The following VCL variants were observed in gnomAD, a reference collection of about 807,000 sequenced individuals.
VCL encodes the protein epididymis luminal protein 114.
VCL carries 47 observed loss-of-function variants against 125.7 expected under a neutral mutation model. The ratio of observed to expected loss-of-function variants is 0.37; its 90% CI spans 0.30 to 0.48. VCL has a LOEUF of 0.48. Ranked by LOEUF, VCL falls within the 20% of genes least tolerant of loss-of-function variation. The probability of loss-of-function intolerance (pLI) is 0.99; values close to 1 mark genes in which losing one functional copy is unlikely to be tolerated. For missense variants in VCL, 1,069 were observed against 1,455.5 expected (o/e 0.73, Z 4.32); for synonymous variants, 458 against 514.6 (o/e 0.89, Z 1.49).
intron 5 of VCL, among the ~76,000 whole-genome samples, chr10:74,074,173 T>A (rs1591689234): frequency 6.6e-6 from 1 of 152,108 alleles, no homozygotes; most frequent in South Asian, 2.1e-4. Context: ...GAGGCGGAGG[T>A]TGCAGTGAGC....
At chr10:74,050,573 G>C (rs12258654) in intron 2 of VCL, among the ~76,000 whole-genome samples, 2 of 152,074 alleles carry the variant, frequency 1.3e-5, no homozygotes, top group African/African-American at 2.4e-5. Context: ...TTCTTTGCTT[G>C]TGATCTTGAA....
chr10:74,072,930 CTTTTG>C, intron 5 of VCL, 78 bp downstream of exon 5: 179 of 1,536,136 alleles, frequency 1.2e-4, no homozygotes, highest in Middle Eastern at 1.9e-4. Context: ...ATTTTGTTTT[CTTTTG>C]TTTTCTTTTC....
intron 10 of VCL, among the ~76,000 whole-genome samples, chr10:74,091,971 T>C (rs113750112): frequency 0.13 from 19,885 of 151,904 alleles, 4,262 homozygotes; most frequent in African/African-American, 0.45. Context: ...TGCAGTGGCG[T>C]GATCTTGGCT....
intron 1 of VCL, among the ~76,000 whole-genome samples, chr10:74,001,092 C>T (rs1171435464): frequency 6.6e-6 from 1 of 152,006 alleles, no homozygotes; most frequent in East Asian, 1.9e-4. Flanking sequence ...TAGGCCTTAT[C>T]CAAAAGGATG....
Position 74,060,739 on chromosome 10 carries a change from T to G in VCL, c.240-9931T>G, listed in dbSNP as rs555147551. On this transcript the variant is annotated intron_variant, in intron 2 of 21. Coordinates refer to ENST00000211998, the MANE Select transcript of VCL (RefSeq NM_014000.3). Reference sequence around the variant, plus strand: ...ATAATCTCTAAATGGATTTTCCTCTTCTTTGGCATACATTTAATCTTCTTG... The same window carrying G: ...ATAATCTCTAAATGGATTTTCCTCTGCTTTGGCATACATTTAATCTTCTTG... Among the ~76,000 whole-genome samples, 5 of 152,214 alleles carry G rather than the reference T, an allele frequency of 3.3e-5. No homozygotes were observed. The East Asian group carries it at 9.6e-4, about 29-fold the overall frequency.
chr10:74,029,682 G>GTGAT (rs1356828302), intron 1 of VCL, among the ~76,000 whole-genome samples: 1 of 152,206 alleles, frequency 6.6e-6, no homozygotes, highest in Non-Finnish European at 1.5e-5. Flanking sequence ...CCTAGCCTAT[G>GTGAT]TGATTGTGTT....
In VCL at chr10:74,114,756, G is replaced by A. The variant is rs754811401; in HGVS notation, c.3154-39G>A. 7.7e-6 allele frequency: 12 copies of A among 1,560,694 alleles called. 1 individual carries two copies. The South Asian group carries it at 1.4e-4, about 18-fold the overall frequency. ...TGCCTTCAAGGAGCTTGTGGGCAAG[G>A]CAAACAGAGAAACATACCAAATTAA... On this transcript the variant is annotated intron_variant, in intron 20 of 21. Transcript: ENST00000211998.
chr10:74,094,469 C>G lies in VCL; in HGVS notation c.1543+8C>G, dbSNP rs886047218. 58 of 1,611,916 alleles carry G rather than the reference C, an allele frequency of 3.6e-5. No homozygotes were observed. Among genetic ancestry groups the G allele is most frequent in the Non-Finnish European group, 4.7e-5 (55 of 1,179,090 alleles). On this transcript the variant is annotated splice_region_variant and intron_variant, in intron 11 of 21. Transcript: ENST00000211998. ...TGGATGACCGTGGAGTCGGTAAGGG[C>G]AGCAGTGCACTATAACCTCATTAAA... is the stretch of plus-strand genomic sequence containing the variant.
At chr10:74,039,671 A>C (rs941284951) in intron 1 of VCL, among the ~76,000 whole-genome samples, 3 of 152,012 alleles carry the variant, frequency 2.0e-5, no homozygotes, top group Non-Finnish European at 4.4e-5. Context: ...CTGGAGTCCT[A>C]GCTGCTCCGG....
At chr10:74,111,295 T>C (rs1257004409) in intron 18 of VCL, among the ~76,000 whole-genome samples, 1 of 152,214 alleles carries the variant, frequency 6.6e-6, no homozygotes, top group Admixed American at 6.5e-5. Flanking sequence ...TTCCTGCCTC[T>C]TTCCTAGTTT....
At chr10:74,080,701 A>C (rs146103783) in intron 6 of VCL, among the ~76,000 whole-genome samples, 2 of 152,326 alleles carry the variant, frequency 1.3e-5, no homozygotes, top group Admixed American at 1.3e-4. Flanking sequence ...AAATATTTTT[A>C]CATTGACATA....
rs750946056 is a variant in VCL at position 74,101,045 on chromosome 10, C to T, written c.1970C>T (p.Thr657Ile). 1.2e-6 allele frequency: 2 copies of T among 1,613,844 alleles called. No individual in the cohort carries two copies. Among genetic ancestry groups the T allele is most frequent in the Non-Finnish European group, 8.5e-7 (1 of 1,179,846 alleles). ...AAAVGTANKS[T>I]VEGIQASVKT... ...GCGGTTGGTACTGCTAATAAATCAACAGTGGAAGGCATTCAGGCCTCAGTG... is the reference window on the plus strand; with the variant it reads ...GCGGTTGGTACTGCTAATAAATCAATAGTGGAAGGCATTCAGGCCTCAGTG... Residue 657 changes from threonine to isoleucine, a missense_variant, in exon 14 of 22, where the codon ACA becomes ATA. Coordinates refer to ENST00000211998, the MANE Select transcript of VCL (RefSeq NM_014000.3).
intron 1 of VCL, among the ~76,000 whole-genome samples, chr10:74,017,602 G>T (rs1840574933): frequency 6.7e-6 from 1 of 150,236 alleles, no homozygotes; most frequent in Admixed American, 6.6e-5. Flanking sequence ...GCCCAGGCTG[G>T]AGTGCAGTGG....
rs1840600280 is a variant in VCL, at chr10:74,018,314, TC to T, written c.168+19942del. 1.3e-5 allele frequency among the ~76,000 whole-genome samples: 2 copies of T among 151,470 alleles called. 1 individual carries two copies. Among genetic ancestry groups the T allele is most frequent in the South Asian group, 4.2e-4 (2 of 4,792 alleles). On this transcript the variant is annotated intron_variant, in intron 1 of 21. Transcript: ENST00000211998. Reference sequence around the variant, plus strand: ...CTCATGTGATCTACCTGCCTTGGCCTCCCAAAGTGCTAGGATTACAGGTGTA... The same window carrying T: ...CTCATGTGATCTACCTGCCTTGGCCTCCAAAGTGCTAGGATTACAGGTGTA...
intron 1 of VCL, among the ~76,000 whole-genome samples, chr10:74,013,400 G>A (rs1015223520): frequency 1.3e-5 from 2 of 152,198 alleles, no homozygotes; most frequent in Non-Finnish European, 2.9e-5. Context: ...GAATATGTAA[G>A]TGTGAATAAA....
At chr10:74,107,195 C>T in intron 16 of VCL, 35 bp from the exon 17 acceptor site, 8 of 1,613,910 alleles carry the variant, frequency 5.0e-6, no homozygotes, top group Non-Finnish European at 6.8e-6. Context: ...GGGCACTGAC[C>T]CACCCAGCTG....
intron 10 of VCL, among the ~76,000 whole-genome samples, chr10:74,093,365 A>G (rs1839919004): frequency 6.6e-6 from 1 of 152,230 alleles, no homozygotes; most frequent in Admixed American, 6.5e-5. Flanking sequence ...TCCTGACTCT[A>G]TCAAAGTAAA....
chr10:74,076,673 A>G (rs1839591592), intron 6 of VCL: 1 of 152,622 alleles, frequency 6.6e-6, no homozygotes. Flanking sequence ...TAGCCTTCAA[A>G]ATCCAAAGGA....
chr10:73,998,803 G>C (rs983825166), intron 1 of VCL, among the ~76,000 whole-genome samples: 3 of 152,198 alleles, frequency 2.0e-5, no homozygotes, highest in African/African-American at 4.8e-5. Flanking sequence ...CTGGCTGTGC[G>C]GGGGAGGGAG....
Sources: allele counts gnomAD v4.1 joint callset (sites outside exome capture counted in the v4.1 genomes callset), GRCh38; gene constraint gnomAD v4.1.1; transcripts MANE v1.5; gene names NCBI Gene and HGNC (gene_info 2026-07-23, HGNC 2026-07-21).